CPA6: variants seen among roughly 807,000 people sequenced by gnomAD.
CPA6 encodes the protein carboxypeptidase A6, also known as carboxypeptidase B.
CPA6 carries 58 observed loss-of-function variants against 63.3 expected under a neutral mutation model. That is an observed-to-expected ratio of 0.92 (90% CI 0.74 to 1.14). The LOEUF (loss-of-function observed/expected upper bound fraction) is 1.14, where lower values mean the gene tolerates loss of function less well. Ranked by LOEUF, CPA6 falls within the 50% of genes most tolerant of loss-of-function variation. The pLI, the probability that CPA6 is intolerant of heterozygous loss-of-function variation, is 0.00. For synonymous variants in CPA6, 185 were observed against 179.0 expected (o/e 1.03, Z -0.27); for missense variants, 565 against 526.6 (o/e 1.07, Z -0.71).
At chr8:67,721,888 A>G (rs563424546) in intron 1 of CPA6, among the ~76,000 whole-genome samples, 9 of 152,200 alleles carry the variant, frequency 5.9e-5, no homozygotes, top group Non-Finnish European at 1.2e-4. Flanking sequence ...GGGAACCTTA[A>G]CTTAACTAGA....
At chr8:67,488,759 G>A (rs1234522475) in intron 6 of CPA6, among the ~76,000 whole-genome samples, 1 of 152,144 alleles carries the variant, frequency 6.6e-6, no homozygotes, top group Non-Finnish European at 1.5e-5. Context: ...TCCTTGAAGA[G>A]GTCCTTCACA....
intron 8 of CPA6, among the ~76,000 whole-genome samples, chr8:67,442,496 G>C (rs1050577951): frequency 6.6e-6 from 1 of 152,138 alleles, no homozygotes; most frequent in African/African-American, 2.4e-5. Context: ...GACAAATCTA[G>C]AGGGATAGAT....
At chr8:67,739,265 A>G (rs542119301) in intron 1 of CPA6, among the ~76,000 whole-genome samples, 56 of 152,328 alleles carry the variant, frequency 3.7e-4, no homozygotes, top group African/African-American at 1.3e-3. Context: ...AGGAGGCCCC[A>G]ACACACAGAA....
At chr8:67,541,696 C>T (rs541909880) in intron 2 of CPA6, among the ~76,000 whole-genome samples, 5 of 152,138 alleles carry the variant, frequency 3.3e-5, no homozygotes, top group African/African-American at 7.2e-5. Flanking sequence ...GTTTTGTCTG[C>T]GGCTTGTCCT....
chr8:67,698,062 G>A (rs1015609426), intron 1 of CPA6, among the ~76,000 whole-genome samples: 3 of 152,082 alleles, frequency 2.0e-5, no homozygotes, highest in Admixed American at 6.5e-5. Context: ...CACTCAATGC[G>A]AAATCTTACA....
chr8:67,572,350 A>G (rs1412395685), intron 2 of CPA6, among the ~76,000 whole-genome samples: 1 of 152,166 alleles, frequency 6.6e-6, no homozygotes, highest in African/African-American at 2.4e-5. Context: ...TTCTCCTAGT[A>G]GTAAGTTCTT....
intron 8 of CPA6, among the ~76,000 whole-genome samples, chr8:67,443,323 G>A (rs1810337622): frequency 6.6e-6 from 1 of 152,116 alleles, no homozygotes; most frequent in Non-Finnish European, 1.5e-5. Context: ...GCCTCCCAAA[G>A]TTCTGGGATT....
At chr8:67,623,664 G>T (rs1815132339) in intron 2 of CPA6, among the ~76,000 whole-genome samples, 1 of 152,072 alleles carries the variant, frequency 6.6e-6, no homozygotes. Context: ...GAACTCCTGG[G>T]CTCAAGTGAT....
chr8:67,550,627 G>A (rs1487500200), intron 2 of CPA6, among the ~76,000 whole-genome samples: 1 of 152,182 alleles, frequency 6.6e-6, no homozygotes, highest in Non-Finnish European at 1.5e-5. Flanking sequence ...GCTTTCCACA[G>A]TGGCTGCACT....
chr8:67,580,289 T>C (rs1306859822), intron 2 of CPA6, among the ~76,000 whole-genome samples: 3 of 152,184 alleles, frequency 2.0e-5, no homozygotes, highest in Non-Finnish European at 2.9e-5. Context: ...TAGGAGGAAG[T>C]GGTACGAGAG....
chr8:67,603,111 G>A lies in CPA6; in HGVS notation c.192+21065C>T, dbSNP rs913562382. ...AGTTCCTATTTTTGAGGTTCAATCT[G>A]GCCTATTACTTTAAGAAAATGCTTT... is the stretch of plus-strand genomic sequence containing the variant. On this transcript the variant is annotated intron_variant, in intron 2 of 10. Transcript: ENST00000297770. 6.6e-5 allele frequency among the ~76,000 whole-genome samples: 10 copies of A among 152,122 alleles called. No homozygotes were observed. The South Asian group carries it at 1.0e-3, about 16-fold the overall frequency.
chr8:67,520,367 CAA>C (rs899516842), intron 2 of CPA6, among the ~76,000 whole-genome samples: 6 of 152,038 alleles, frequency 3.9e-5, no homozygotes, highest in African/African-American at 1.4e-4. Context: ...AACTTTCTCA[CAA>C]AGTGTGCTCA....
chr8:67,580,310 C>T (rs780212692), intron 2 of CPA6, among the ~76,000 whole-genome samples: 7 of 152,158 alleles, frequency 4.6e-5, no homozygotes, highest in Non-Finnish European at 7.4e-5. Flanking sequence ...GGTGGTTTCC[C>T]TAATCCTTCT....
At chr8:67,590,333 AGT>A (rs2128980807) in intron 2 of CPA6, among the ~76,000 whole-genome samples, 1 of 151,738 alleles carries the variant, frequency 6.6e-6, no homozygotes, top group South Asian at 2.1e-4. Flanking sequence ...TATTGTGAAT[AGT>A]GCCGCAATAA....
chr8:67,737,482 G>A (rs1490910884), intron 1 of CPA6, among the ~76,000 whole-genome samples: 1 of 152,046 alleles, frequency 6.6e-6, no homozygotes. Flanking sequence ...CATCTAAGAT[G>A]ACTTCTCTGG....
intron 1 of CPA6, among the ~76,000 whole-genome samples, chr8:67,683,823 A>G (rs1052091855): frequency 2.7e-5 from 4 of 150,838 alleles, no homozygotes; most frequent in Non-Finnish European, 5.9e-5. Flanking sequence ...CCTTCTTTCT[A>G]TTCTTCATAT....
chr8:67,422,503 C>G lies in CPA6; in HGVS notation c.*1G>C. 6.2e-7 allele frequency: 1 copy of G among 1,613,514 alleles called. No homozygotes were observed. The highest frequency in any genetic ancestry group is 1.1e-5 in the South Asian group (1 of 90,980). On this transcript the variant is annotated 3_prime_UTR_variant, in exon 11 of 11. Transcript: ENST00000297770. ...GCAGTTGACCTGAGCCTTGGGCTGT[C>G]TCAGGGACATTTCTTTAGCAGGTGC... is the stretch of plus-strand genomic sequence containing the variant.
chr8:67,427,455 C>T (rs1275034292), intron 10 of CPA6, among the ~76,000 whole-genome samples: 2 of 152,094 alleles, frequency 1.3e-5, no homozygotes, highest in Admixed American at 1.3e-4. Flanking sequence ...TTTAACCTGC[C>T]TGGTGTCAAT....
intron 2 of CPA6, among the ~76,000 whole-genome samples, chr8:67,570,788 G>A (rs1813467835): frequency 6.6e-6 from 1 of 152,096 alleles, no homozygotes; most frequent in African/African-American, 2.4e-5. Flanking sequence ...AAGAAACAAA[G>A]TATCTATAAA....
Sources: gnomAD v4.1 joint callset for allele counts (sites outside exome capture counted in the v4.1 genomes callset) on GRCh38, gnomAD v4.1.1 for gene constraint, MANE v1.5 for transcripts, NCBI Gene and HGNC (gene_info 2026-07-23, HGNC 2026-07-21) for gene names.